CNTNAP2: variants seen among roughly 807,000 people sequenced by gnomAD.
CNTNAP2 encodes the protein contactin associated protein 2, also known as contactin-associated protein-like 2.
In CNTNAP2, 98 loss-of-function variants were observed where a neutral mutation model predicts 155.2. The ratio of observed to expected loss-of-function variants is 0.63; its 90% CI spans 0.54 to 0.75. The LOEUF (loss-of-function observed/expected upper bound fraction) is 0.75. Ranked by LOEUF, CNTNAP2 falls within the 30% of genes least tolerant of loss-of-function variation. The pLI is 0.00. For synonymous variants in CNTNAP2, 651 were observed against 631.2 expected, an observed-to-expected ratio of 1.03 and a Z score of -0.47; for missense variants, 1,727 against 1,688.1, an observed-to-expected ratio of 1.02 and a Z score of -0.40.
At chr7:146,564,252 G>A (rs1012707775) in intron 1 of CNTNAP2, among the ~76,000 whole-genome samples, 4 of 152,076 alleles carry the variant, frequency 2.6e-5, no homozygotes, top group African/African-American at 9.7e-5. Context: ...ATTTTAGAGA[G>A]GCAACATTGC....
chr7:147,355,656 AC>A (rs1450607625), intron 9 of CNTNAP2, among the ~76,000 whole-genome samples: 1 of 152,142 alleles, frequency 6.6e-6, no homozygotes, highest in African/African-American at 2.4e-5. Flanking sequence ...AATACTGTAA[AC>A]ACCTCTATGC....
At chr7:148,279,052 G>T (rs1796928077) in intron 21 of CNTNAP2, among the ~76,000 whole-genome samples, 1 of 152,282 alleles carries the variant, frequency 6.6e-6, no homozygotes, top group South Asian at 2.1e-4. Context: ...GAAGTCAGAG[G>T]GTTAGCCAGC....
At chr7:148,126,833 T>C (rs1804726771) in intron 16 of CNTNAP2, among the ~76,000 whole-genome samples, 1 of 152,080 alleles carries the variant, frequency 6.6e-6, no homozygotes, top group Non-Finnish European at 1.5e-5. Flanking sequence ...AAGGGAAGAA[T>C]AGGCCAACTG....
At chr7:147,835,460 A>G (rs62482321) in intron 13 of CNTNAP2, among the ~76,000 whole-genome samples, 11,166 of 152,182 alleles carry the variant, frequency 0.073, 443 homozygotes, top group East Asian at 0.15. Flanking sequence ...CCATGTCCAA[A>G]TCAGTGTACT....
chr7:147,976,612 A>T (rs577272124), intron 14 of CNTNAP2, among the ~76,000 whole-genome samples: 190 of 152,350 alleles, frequency 1.2e-3, no homozygotes, highest in Non-Finnish European at 2.1e-3. Context: ...CCAACTGGCC[A>T]AGTTCTGTGA....
At chr7:146,745,392 G>A (rs1168679859) in intron 1 of CNTNAP2, among the ~76,000 whole-genome samples, 1 of 152,100 alleles carries the variant, frequency 6.6e-6, no homozygotes, top group Non-Finnish European at 1.5e-5. Context: ...TAAGTTAAAT[G>A]ACTTGCAGAG....
intron 1 of CNTNAP2, among the ~76,000 whole-genome samples, chr7:146,416,395 A>G (rs1433416749): frequency 6.6e-6 from 1 of 151,994 alleles, no homozygotes; most frequent in African/African-American, 2.4e-5. Flanking sequence ...GTTTGCAACC[A>G]CATTACACAC....
intron 3 of CNTNAP2, among the ~76,000 whole-genome samples, chr7:146,912,117 T>G (rs577076110): frequency 4.6e-4 from 69 of 151,076 alleles, no homozygotes; most frequent in African/African-American, 1.6e-3. Flanking sequence ...TTGATTTTAA[T>G]GAGTCATTGA....
intron 3 of CNTNAP2, among the ~76,000 whole-genome samples, chr7:146,953,071 G>C (rs1275092772): frequency 1.3e-5 from 2 of 151,998 alleles, no homozygotes; most frequent in Admixed American, 1.3e-4. Context: ...ACAGATCATA[G>C]AATATTCTAG....
intron 10 of CNTNAP2, among the ~76,000 whole-genome samples, chr7:147,479,959 C>T (rs1798392886): frequency 6.6e-6 from 1 of 151,708 alleles, no homozygotes; most frequent in Non-Finnish European, 1.5e-5. Flanking sequence ...AAATAGAAGG[C>T]AGGATAAAAT....
In CNTNAP2 at chr7:147,812,239, G is replaced by A. The variant is rs142138368; in HGVS notation, c.2099-91326G>A. On this transcript the variant is annotated intron_variant, in intron 13 of 23. Transcript: ENST00000361727. ...ATGTTCCAGGAAGAGGAAGGAGGCC[G>A]GTGTTCAGGAGTAAACTTTGTAACT... 7.0e-3 allele frequency among the ~76,000 whole-genome samples: 1,059 copies of A among 152,190 alleles called. 11 individuals are homozygous for A. The highest frequency in any genetic ancestry group is 0.024 in the African/African-American group (987 of 41,520).
intron 11 of CNTNAP2, among the ~76,000 whole-genome samples, chr7:147,516,937 C>T (rs561680044): frequency 6.7e-6 from 1 of 150,066 alleles, no homozygotes; most frequent in South Asian, 2.1e-4. Flanking sequence ...TCTCGGCTCA[C>T]TGCGACCACT....
chr7:147,273,850 A>G (rs528360824), intron 8 of CNTNAP2, among the ~76,000 whole-genome samples: 2 of 147,592 alleles, frequency 1.4e-5, no homozygotes, highest in African/African-American at 2.5e-5. Context: ...ATTTAAACAT[A>G]TATAAATATA....
intron 20 of CNTNAP2, among the ~76,000 whole-genome samples, chr7:148,262,874 C>G (rs1796588785): frequency 6.6e-6 from 1 of 152,264 alleles, no homozygotes; most frequent in Non-Finnish European, 1.5e-5. Context: ...TGATCCGATG[C>G]TGCTGTTCTG....
chr7:147,952,690 A>G (rs1800956511), intron 14 of CNTNAP2, among the ~76,000 whole-genome samples: 1 of 152,212 alleles, frequency 6.6e-6, no homozygotes, highest in African/African-American at 2.4e-5. Context: ...TGAAGTATAA[A>G]TATGCACATA....
intron 15 of CNTNAP2, among the ~76,000 whole-genome samples, chr7:148,105,207 A>G (rs867617043): frequency 3.3e-5 from 5 of 152,234 alleles, no homozygotes; most frequent in African/African-American, 9.6e-5. Context: ...GGGATACGTC[A>G]GAAAGACTGT....
chr7:147,630,511 A>C (rs999002045), intron 12 of CNTNAP2, among the ~76,000 whole-genome samples: 1 of 152,248 alleles, frequency 6.6e-6, no homozygotes, highest in South Asian at 2.1e-4. Context: ...CCAGGAAAGG[A>C]CATAACAGAA....
At chr7:146,347,855 G>T (rs904968518) in intron 1 of CNTNAP2, among the ~76,000 whole-genome samples, 7 of 152,010 alleles carry the variant, frequency 4.6e-5, no homozygotes, top group Admixed American at 1.3e-4. Context: ...TGTGAGCCAC[G>T]CATTTTCTTC....
At chr7:147,466,779 A>C (rs904597761) in intron 10 of CNTNAP2, among the ~76,000 whole-genome samples, 1 of 152,088 alleles carries the variant, frequency 6.6e-6, no homozygotes, top group Admixed American at 6.5e-5. Flanking sequence ...TTAGCTGGGC[A>C]TGGTGGCGGG....
Sources: gnomAD v4.1 joint callset for allele counts (sites outside exome capture counted in the v4.1 genomes callset) on GRCh38, gnomAD v4.1.1 for gene constraint, MANE v1.5 for transcripts, NCBI Gene and HGNC (gene_info 2026-07-23, HGNC 2026-07-21) for gene names.